The following NLN variants were observed in gnomAD, a reference collection of about 807,000 sequenced individuals.
NLN encodes neurolysin, mitochondrial.
In NLN, 64 loss-of-function variants were observed where a neutral mutation model predicts 79.9. That is an observed-to-expected ratio of 0.80 (90% CI 0.65 to 0.99). NLN has a LOEUF of 0.99. NLN is among the 50% of genes least tolerant of loss of function. The pLI is 0.00. For synonymous variants in NLN, 267 were observed against 296.6 expected, an observed-to-expected ratio of 0.90 and a Z score of 1.02; for missense variants, 835 against 858.7, an observed-to-expected ratio of 0.97 and a Z score of 0.34.
chr5:65,744,472 CTTTT>C (rs199944194), intron 1 of NLN, among the ~76,000 whole-genome samples: 11 of 139,576 alleles, frequency 7.9e-5, no homozygotes, highest in East Asian at 4.1e-4. Flanking sequence ...TCTCTCTCCC[CTTTT>C]TTTTTTTTTT....
At chr5:65,761,764 T>C (rs1759345460) in intron 2 of NLN, among the ~76,000 whole-genome samples, 1 of 152,198 alleles carries the variant, frequency 6.6e-6, no homozygotes, top group African/African-American at 2.4e-5. Context: ...AAAATATACC[T>C]TATGGATTTA....
intron 6 of NLN, among the ~76,000 whole-genome samples, chr5:65,783,683 G>C (rs1252109712): frequency 7.0e-6 from 1 of 142,404 alleles, no homozygotes; most frequent in Non-Finnish European, 1.5e-5. Flanking sequence ...AATATGGCAA[G>C]ACCTCACCTC....
At chr5:65,803,362 G>A (rs760560982) in intron 9 of NLN, among the ~76,000 whole-genome samples, 3 of 152,278 alleles carry the variant, frequency 2.0e-5, no homozygotes, top group Non-Finnish European at 4.4e-5. Flanking sequence ...TCCCATGCTC[G>A]TCAGTGCCCA....
rs1234104243 is a variant in NLN at position 65,829,061 on chromosome 5, C to G, written c.*6146C>G. ...GAATGAGTAAACGTTCGTTTTCCTC[C>G]CTACAGAATTTACAGTTACTCTCTG... On this transcript the variant is annotated 3_prime_UTR_variant, in exon 13 of 13. Transcript: ENST00000380985. 1 of 152,024 alleles carries G rather than the reference C, an allele frequency of 6.6e-6. No individual in the cohort carries two copies. The highest frequency in any genetic ancestry group is 1.5e-5 in the Non-Finnish European group (1 of 68,006). 9.4% of individuals were successfully genotyped at this position (152,024 alleles called of 1,614,324 possible). A position where few individuals can be genotyped will look rare whatever the true frequency, so the allele number is the denominator to read the frequency against.
chr5:65,763,206 T>C, intron 3 of NLN, 98 bp downstream of exon 3: 1 of 1,028,940 alleles, frequency 9.7e-7, no homozygotes, highest in Middle Eastern at 2.8e-4. Context: ...TTTTCTTAGC[T>C]TTTGTTTCGA....
intron 8 of NLN, among the ~76,000 whole-genome samples, chr5:65,791,552 C>T (rs1003724728): frequency 1.3e-5 from 2 of 151,850 alleles, no homozygotes; most frequent in Admixed American, 6.6e-5. Flanking sequence ...AGCAAGACTC[C>T]GTCTCAAAAC....
In NLN at chr5:65,826,041, A is replaced by G. The variant is rs2150781912; in HGVS notation, c.*3126A>G. The G allele has an allele frequency of 6.6e-6, 1 of 152,336 alleles. No homozygotes were observed. Among genetic ancestry groups the G allele is most frequent in the Non-Finnish European group, 1.5e-5 (1 of 68,020 alleles). The allele number at this position is 152,336 out of a possible 1,614,324, so 9.4% of individuals were successfully genotyped here. On this transcript the variant is annotated 3_prime_UTR_variant, in exon 13 of 13. Transcript: ENST00000380985. ...TTTCTTACAGTTCTGGAAGCTGGGA[A>G]GTCCCACAATCCACATGCTGGTAAA...
At chr5:65,800,471 C>T (rs1174306236) in intron 9 of NLN, among the ~76,000 whole-genome samples, 5 of 152,140 alleles carry the variant, frequency 3.3e-5, no homozygotes, top group African/African-American at 1.2e-4. Context: ...GTCAGGAGAT[C>T]GAGACCATCC....
chr5:65,779,156 G>A (rs761239744), intron 4 of NLN, among the ~76,000 whole-genome samples: 3 of 152,120 alleles, frequency 2.0e-5, no homozygotes, highest in African/African-American at 7.2e-5. Context: ...AAAATTACAC[G>A]GAGGGCTTAT....
intron 1 of NLN, chr5:65,733,015 T>G: frequency 9.3e-7 from 1 of 1,076,338 alleles, no homozygotes; most frequent in Admixed American, 1.8e-5. Flanking sequence ...AATGCCCACT[T>G]CAAGTTTACC....
intron 9 of NLN, among the ~76,000 whole-genome samples, chr5:65,804,833 T>C (rs1838737): frequency 0.72 from 109,505 of 152,094 alleles, 39,779 homozygotes; most frequent in African/African-American, 0.8. Flanking sequence ...ACCCGGACAA[T>C]TTTTTCATTG....
chr5:65,816,535 T>TAAAA (rs572354124), intron 12 of NLN, among the ~76,000 whole-genome samples: 6 of 137,044 alleles, frequency 4.4e-5, no homozygotes, highest in African/African-American at 1.6e-4. Flanking sequence ...ACGTAAAAGT[T>TAAAA]AAAAAAAAAA....
At chr5:65,758,894 G>A (rs915602706) in intron 2 of NLN, 68 bp downstream of exon 2, 2 of 1,403,676 alleles carry the variant, frequency 1.4e-6, no homozygotes, top group Admixed American at 2.0e-5. Context: ...CATGCTTTCT[G>A]TCTTTCAGTT....
At position 65,778,929 on chromosome 5, in the gene NLN, C is replaced by T. The variant is rs1759736997; in HGVS notation, c.559-1250C>T. On this transcript the variant is annotated intron_variant, in intron 4 of 12. Transcript: ENST00000380985. ...CCCTTTTAGTCAATGGAATACGAGG[C>T]CTGGGTTATCTGAACAGTCCTGAGG... is the stretch of plus-strand genomic sequence containing the variant. Among the ~76,000 whole-genome samples the T allele has an allele frequency of 2.0e-5, 3 of 152,228 alleles. 1 individual carries two copies. The South Asian group carries it at 6.2e-4, about 32-fold the overall frequency.
rs373444091 is a variant in NLN, at chr5:65,779,869, T to G, written c.559-310T>G. 2.0e-3 allele frequency among the ~76,000 whole-genome samples: 298 copies of G among 152,092 alleles called. 2 individuals carry two copies. Among genetic ancestry groups the G allele is most frequent in the African/African-American group, 6.9e-3 (287 of 41,408 alleles). Reference sequence around the variant, plus strand: ...GGAGTTTGGGCACAGAAGTCAATCTTCATATGAAAGTGAAACTTACTCAAT... The same window carrying G: ...GGAGTTTGGGCACAGAAGTCAATCTGCATATGAAAGTGAAACTTACTCAAT... On this transcript the variant is annotated intron_variant, in intron 4 of 12. Coordinates refer to ENST00000380985, the MANE Select transcript of NLN (RefSeq NM_020726.5).
intron 1 of NLN, chr5:65,733,233 A>G (rs1758650619): frequency 6.6e-7 from 1 of 1,519,420 alleles, no homozygotes; most frequent in Non-Finnish European, 9.0e-7. Context: ...AATGTGGACC[A>G]CCAATCTTGA....
chr5:65,822,161 G>A (rs1056597629), intron 12 of NLN, among the ~76,000 whole-genome samples: 6 of 152,226 alleles, frequency 3.9e-5, no homozygotes, highest in Non-Finnish European at 8.8e-5. Flanking sequence ...AATAAAAGTA[G>A]AGGAACTGTG....
At chr5:65,732,154 T>A (rs1579906696) in intron 1 of NLN, among the ~76,000 whole-genome samples, 3 of 152,208 alleles carry the variant, frequency 2.0e-5, no homozygotes, top group Admixed American at 6.5e-5. Context: ...AATTATTGAG[T>A]GAAACAAAAA....
intron 9 of NLN, among the ~76,000 whole-genome samples, chr5:65,808,082 T>C (rs1433717056): frequency 6.6e-6 from 1 of 152,228 alleles, no homozygotes; most frequent in African/African-American, 2.4e-5. Flanking sequence ...TTTTTTTTAT[T>C]GGGATGTCCT....
Sources: allele counts gnomAD v4.1 joint callset (sites outside exome capture counted in the v4.1 genomes callset), GRCh38; gene constraint gnomAD v4.1.1; transcripts MANE v1.5; gene names NCBI Gene and HGNC (gene_info 2026-07-23, HGNC 2026-07-21).